The following TLE4 variants were observed in gnomAD, a reference collection of about 807,000 sequenced individuals.
TLE4 encodes the protein TLE family member 4, transcriptional corepressor.
A neutral mutation model predicts 92.8 loss-of-function variants in TLE4; 8 were observed. The ratio of observed to expected loss-of-function variants is 0.09; its 90% confidence interval spans 0.05 to 0.16. TLE4 has a LOEUF of 0.16. TLE4 is among the 10% of genes least tolerant of loss of function. The pLI is 1.00. For synonymous variants in TLE4, 371 were observed against 374.1 expected, an observed-to-expected ratio of 0.99 and a Z score of 0.10; for missense variants, 675 against 997.6, an observed-to-expected ratio of 0.68 and a Z score of 4.36.
intron 4 of TLE4, among the ~76,000 whole-genome samples, chr9:79,603,876 C>A (rs2046239030): frequency 6.6e-6 from 1 of 152,010 alleles, no homozygotes; most frequent in Non-Finnish European, 1.5e-5. Context: ...TCTCTAGAAC[C>A]TTACTACTAG....
At chr9:79,624,182 A>C (rs2051858494) in intron 5 of TLE4, among the ~76,000 whole-genome samples, 1 of 151,668 alleles carries the variant, frequency 6.6e-6, no homozygotes, top group African/African-American at 2.4e-5. Flanking sequence ...AAATGGAAAA[A>C]AAAAAAAAAA....
intron 2 of TLE4, 158 bp downstream of exon 2, chr9:79,573,944 CCTTAGGCAGGTGTAAATAAATTA>C (rs2036822836): frequency 2.3e-6 from 1 of 431,984 alleles, no homozygotes; most frequent in South Asian, 6.5e-5. Flanking sequence ...AGGCCTCCTT[CCTTAGGCAGGTGTAAATAAATTA>C]AACATTTCTT....
chr9:79,572,803 C>G lies in TLE4; in HGVS notation c.13C>G (p.Leu5Val), dbSNP rs2036160777. ...TAAATCGGCTTGGATGATTCGCGAC[C>G]TGAGCAAGATGTACCCGCAGACCAG... MIRD[L>V]SKMYPQTRHP... The change falls in exon 1 of 20, where the codon CTG becomes GTG. Residue 5 changes from leucine to valine, a missense_variant. Leu to Val is a conservative substitution (Grantham distance 32). Transcript: ENST00000376552. 2 of 1,601,116 alleles carry G rather than the reference C, an allele frequency of 1.2e-6. No homozygotes were observed. Among genetic ancestry groups the G allele is most frequent in the African/African-American group, 1.4e-5 (1 of 73,340 alleles).
At chr9:79,708,814 T>C (rs2072428079) in intron 13 of TLE4, 28 bp downstream of exon 13, 2 of 1,585,550 alleles carry the variant, frequency 1.3e-6, no homozygotes, top group Non-Finnish European at 1.7e-6. Context: ...ACAAATAATA[T>C]TTTAGCACAC....
intron 14 of TLE4, among the ~76,000 whole-genome samples, chr9:79,710,011 A>G (rs2072828921): frequency 6.6e-6 from 1 of 152,224 alleles, no homozygotes; most frequent in Non-Finnish European, 1.5e-5. Flanking sequence ...TTATGTGCAA[A>G]CCTGAATGTT....
intron 6 of TLE4, among the ~76,000 whole-genome samples, chr9:79,641,541 T>C (rs995263051): frequency 1.3e-5 from 2 of 152,204 alleles, no homozygotes; most frequent in African/African-American, 4.8e-5. Flanking sequence ...AGGCTTCCTT[T>C]TACTTCACTG....
At chr9:79,666,057 G>A (rs2061337984) in intron 8 of TLE4, among the ~76,000 whole-genome samples, 2 of 151,972 alleles carry the variant, frequency 1.3e-5, no homozygotes, top group African/African-American at 2.4e-5. Context: ...AGACACTGGT[G>A]GTAAAAAGTA....
At chr9:79,598,473 C>A (rs2044661458) in intron 4 of TLE4, among the ~76,000 whole-genome samples, 1 of 152,128 alleles carries the variant, frequency 6.6e-6, no homozygotes, top group African/African-American at 2.4e-5. Context: ...CTTTTCTCTG[C>A]CCCTTTCTCC....
At chr9:79,628,904 G>GTGTGTATA (rs1470207178) in intron 6 of TLE4, among the ~76,000 whole-genome samples, 2 of 149,210 alleles carry the variant, frequency 1.3e-5, no homozygotes, top group Non-Finnish European at 3.0e-5. Flanking sequence ...GTGTGTGTGT[G>GTGTGTATA]TGTGTATATG....
At chr9:79,703,467 A>T (rs2070546273) in intron 8 of TLE4, among the ~76,000 whole-genome samples, 2 of 152,192 alleles carry the variant, frequency 1.3e-5, no homozygotes, top group African/African-American at 4.8e-5. Context: ...TCCAGTTTTC[A>T]TTGGCACTTT....
At chr9:79,683,565 G>C (rs1418390126) in intron 8 of TLE4, among the ~76,000 whole-genome samples, 2 of 152,128 alleles carry the variant, frequency 1.3e-5, no homozygotes, top group Admixed American at 6.6e-5. Context: ...GAATCATACT[G>C]TGAGCCATTC....
At chr9:79,683,173 A>G (rs774004399) in intron 8 of TLE4, among the ~76,000 whole-genome samples, 2 of 152,236 alleles carry the variant, frequency 1.3e-5, no homozygotes, top group Non-Finnish European at 1.5e-5. Context: ...GATGTAGACC[A>G]TCAGTTTAAC....
At position 79,725,778 on chromosome 9, in the gene TLE4, G is replaced by A. The variant is rs1384989541; in HGVS notation, c.*634G>A. The stretch of plus-strand genomic sequence containing the variant: ...ACTCATTTGGATCTATTTAGACAAC[G>A]TTAACCAATATATCTATAGCTTTAG... On this transcript the variant is annotated 3_prime_UTR_variant, in exon 20 of 20. Transcript: ENST00000376552. The A allele has an allele frequency of 6.6e-6, 1 of 152,582 alleles. No homozygotes were observed. Among genetic ancestry groups the A allele is most frequent in the African/African-American group, 2.4e-5 (1 of 41,436 alleles). The allele number at this position is 152,582 out of a possible 1,614,324, so 9.5% of individuals were successfully genotyped here.
chr9:79,587,318 A>C (rs953946984), intron 4 of TLE4, among the ~76,000 whole-genome samples: 1 of 152,236 alleles, frequency 6.6e-6, no homozygotes, highest in African/African-American at 2.4e-5. Context: ...AAAAAGGCCT[A>C]GATAGGCAAT....
At chr9:79,705,867 T>A in intron 9 of TLE4, 22 bp from the exon 10 acceptor site, 1 of 1,612,890 alleles carries the variant, frequency 6.2e-7, no homozygotes, top group Non-Finnish European at 8.5e-7. Context: ...GAGAAGATAA[T>A]GCTTCTCACT....
intron 8 of TLE4, among the ~76,000 whole-genome samples, chr9:79,677,749 A>G (rs1034621818): frequency 2.0e-4 from 31 of 151,998 alleles, no homozygotes; most frequent in African/African-American, 6.3e-4. Context: ...CATCTTCACA[A>G]CTATCCTGTT....
intron 4 of TLE4, among the ~76,000 whole-genome samples, chr9:79,609,263 C>T (rs2047813754): frequency 6.6e-6 from 1 of 152,084 alleles, no homozygotes; most frequent in South Asian, 2.1e-4. Flanking sequence ...CACTGTCCAT[C>T]AGTACTGTAG....
intron 4 of TLE4, among the ~76,000 whole-genome samples, chr9:79,608,726 A>G (rs1047430959): frequency 2.0e-5 from 3 of 152,056 alleles, no homozygotes. Context: ...AACAATACAT[A>G]TGTAGTAATG....
At chr9:79,582,824 A>G (rs2040044876) in intron 4 of TLE4, among the ~76,000 whole-genome samples, 1 of 152,080 alleles carries the variant, frequency 6.6e-6, no homozygotes. Context: ...TGGTAGGTTC[A>G]GTGGTCCTAT....
Sources: gnomAD v4.1 joint callset for allele counts (sites outside exome capture counted in the v4.1 genomes callset) on GRCh38, gnomAD v4.1.1 for gene constraint, MANE v1.5 for transcripts, NCBI Gene and HGNC (gene_info 2026-07-23, HGNC 2026-07-21) for gene names.